The following TBC1D9B variants were observed in gnomAD, a reference collection of about 807,000 sequenced individuals.
TBC1D9B encodes TBC1 domain family member 9B.
In TBC1D9B, 87 loss-of-function variants were observed where a neutral mutation model predicts 121.1. That is an observed-to-expected ratio of 0.72 (90% CI 0.60 to 0.86). The LOEUF (loss-of-function observed/expected upper bound fraction) is 0.86. TBC1D9B is among the 40% of genes least tolerant of loss of function. TBC1D9B has a pLI of 0.00. For missense variants in TBC1D9B, 1,540 were observed against 1,628.6 expected (o/e 0.95, Z 0.94); for synonymous variants, 668 against 670.1 (o/e 1.00, Z 0.05).
At chr5:179,900,844 A>T (rs1761146773) in intron 2 of TBC1D9B, among the ~76,000 whole-genome samples, 1 of 152,180 alleles carries the variant, frequency 6.6e-6, no homozygotes, top group African/African-American at 2.4e-5. Context: ...TCGGGAGGCC[A>T]GTGTGACTGT....
At chr5:179,884,210 G>A (rs1229429378) in intron 7 of TBC1D9B, among the ~76,000 whole-genome samples, 1 of 152,228 alleles carries the variant, frequency 6.6e-6, no homozygotes, top group Admixed American at 6.5e-5. Context: ...ACTGGAGCCT[G>A]AGAAATCGGC....
Position 179,870,266 on chromosome 5 carries a change from A to G in TBC1D9B, c.2714T>C (p.Val905Ala), listed in dbSNP as rs998031088. The change falls in exon 16 of 21, where the codon GTG (valine) becomes GCG (alanine). Residue 905 changes from valine to alanine, a missense_variant. By Grantham distance (64) the Val-to-Ala change is moderately conservative (BLOSUM62 0). Coordinates refer to ENST00000355235, the MANE Select transcript of TBC1D9B (RefSeq NM_015043.4). ...CTGCAGGCACTCACTCATCCCTGTC[A>G]CGAACTCCTTGAAGTTGATCAGCGA... ...KDSLINFKEF[V>A]TGMSGMYHGD... 1.9e-6 allele frequency: 3 copies of G among 1,613,906 alleles called. No individual in the cohort carries two copies. The highest frequency in any genetic ancestry group is 2.5e-6 in the Non-Finnish European group (3 of 1,180,018).
At chr5:179,867,700 C>A (rs1760059471) in intron 18 of TBC1D9B, 78 bp downstream of exon 18, 1 of 1,593,696 alleles carries the variant, frequency 6.3e-7, no homozygotes. Flanking sequence ...CTGCTGGCCA[C>A]TGCCCGAGCC....
chr5:179,877,338 A>AAAT (rs200312644), intron 10 of TBC1D9B, among the ~76,000 whole-genome samples: 2 of 151,590 alleles, frequency 1.3e-5, no homozygotes, highest in Non-Finnish European at 2.9e-5. Flanking sequence ...CTGTCTCTAA[A>AAAT]AATAATAATA....
In TBC1D9B at chr5:179,869,797, C is replaced by T. The variant is rs762452740; in HGVS notation, c.2763G>A (p.Lys921=). The change falls in exon 17 of 21, where the codon AAG becomes AAA. Residue 921 remains lysine, a synonymous_variant. Transcript: ENST00000355235. ...GGGGAAGGTGTAGCTTGTAGAGCAC[C>T]TTGAGCTTCTCTGTCAGGTCCCCGT... ...MYHGDLTEKL[K]VLYKLHLPPA... The T allele has an allele frequency of 9.5e-6, 15 of 1,582,642 alleles. No homozygotes were observed. In the East Asian group the frequency reaches 3.4e-4, roughly 36 times the overall value.
intron 16 of TBC1D9B, 102 bp from the exon 17 acceptor site, chr5:179,869,936 C>A: frequency 8.4e-7 from 1 of 1,197,492 alleles, no homozygotes; most frequent in Non-Finnish European, 1.1e-6. Flanking sequence ...CTGCCCAACT[C>A]CCTCCTGGAG....
chr5:179,898,524 C>T (rs1339682980), intron 3 of TBC1D9B, among the ~76,000 whole-genome samples: 1 of 151,764 alleles, frequency 6.6e-6, no homozygotes, highest in Non-Finnish European at 1.5e-5. Context: ...TCTCAGCTCA[C>T]TGCAACCTCG....
rs1264433752 is a variant in TBC1D9B at position 179,874,202 on chromosome 5, G to C, written c.2186+700C>G. On this transcript the variant is annotated intron_variant, in intron 12 of 20. Coordinates refer to ENST00000355235, the MANE Select transcript of TBC1D9B (RefSeq NM_015043.4). This position sits in a 1 kb window ranked among gnomAD's most constrained non-coding sequence, Gnocchi z 4.3. ...GCTTGAAGGCCAGGCTGGAGGCTCA[G>C]ACAGTGCCTTTGTACAGAGGACCCA... 6.6e-6 allele frequency among the ~76,000 whole-genome samples: 1 copy of C among 152,194 alleles called. No individual in the cohort carries two copies. Among genetic ancestry groups the C allele is most frequent in the African/African-American group, 2.4e-5 (1 of 41,446 alleles).
At chr5:179,869,341 T>G (rs1012424862) in intron 17 of TBC1D9B, 1 of 361,276 alleles carries the variant, frequency 2.8e-6, no homozygotes, top group Admixed American at 3.6e-5. Context: ...ACAGCACCAC[T>G]GAGAGGCCAG....
At chr5:179,899,142 T>C (rs1761099069) in intron 3 of TBC1D9B, 47 bp downstream of exon 3, 1 of 1,499,702 alleles carries the variant, frequency 6.7e-7, no homozygotes, top group South Asian at 1.1e-5. Flanking sequence ...ACGAGAACAC[T>C]GCTGGCCAGG....
intron 16 of TBC1D9B, 59 bp from the exon 17 acceptor site, chr5:179,869,893 G>A (rs779680912): frequency 5.4e-6 from 8 of 1,480,544 alleles, no homozygotes; most frequent in Non-Finnish European, 7.2e-6. Flanking sequence ...CCCCTTCCAG[G>A]GGGTCCGAGT....
intron 10 of TBC1D9B, 25 bp downstream of exon 10, chr5:179,878,284 T>C (rs1257221134): frequency 6.3e-7 from 1 of 1,596,578 alleles, no homozygotes; most frequent in Admixed American, 1.7e-5. Flanking sequence ...AGATGCTGTC[T>C]CTGGGCCCCT....
In TBC1D9B at chr5:179,902,959, C is replaced by T. The variant is rs1024088595; in HGVS notation, c.229+1743G>A. Among the ~76,000 whole-genome samples the T allele has an allele frequency of 2.0e-5, 3 of 152,190 alleles. No homozygotes were observed. The highest frequency in any genetic ancestry group is 7.2e-5 in the African/African-American group (3 of 41,456). On this transcript the variant is annotated intron_variant, in intron 2 of 20. Transcript: ENST00000355235. This position sits in a 1 kb window ranked among gnomAD's most constrained non-coding sequence, Gnocchi z 4.9. The stretch of plus-strand genomic sequence containing the variant: ...AGAAGGGCACTGCTGGTCAGGATGC[C>T]CGTGCAGAGCGCCCACCTGGGAGTG...
chr5:179,878,325 G>C lies in TBC1D9B; in HGVS notation c.1766C>G (p.Thr589Ser), dbSNP rs779929793. 1 of 1,613,204 alleles carries C rather than the reference G, an allele frequency of 6.2e-7. No homozygotes were observed. ...VLTAYAFRNP[T>S]IGYCQAMNIV... is the part of the protein sequence containing the mutation. ...GCCCCTTACCTGGCAGTAGCCGATGGTGGGGTTTCGGAAGGCATAGGCAGT... is the reference window on the plus strand; with the variant it reads ...GCCCCTTACCTGGCAGTAGCCGATGCTGGGGTTTCGGAAGGCATAGGCAGT... The change falls in exon 10 of 21, where the codon ACC becomes AGC. Residue 589 changes from threonine to serine, a missense_variant. Physicochemically the swap from Thr to Ser is moderately conservative, Grantham distance 58 (BLOSUM62 1). Transcript: ENST00000355235.
In TBC1D9B at chr5:179,907,780, C is replaced by G; in HGVS notation, c.42G>C (p.Leu14=). The change falls in exon 1 of 21, where the codon CTG becomes CTC. Residue 14 remains leucine, a synonymous_variant. Transcript: ENST00000355235. The surrounding 1 kb of genome is among the most constrained non-coding windows in gnomAD (Gnocchi z 5.3). ...AGGGGTTGGCCCGCTCCGTCACCCA[C>G]AGCGCATTGGCCACCAGCACCTCCT... The part of the protein sequence containing the change: ...SPEEVLVANA[L]WVTERANPFF... 6 of 1,230,960 alleles carry G rather than the reference C, an allele frequency of 4.9e-6. No homozygotes were observed. The highest frequency in any genetic ancestry group is 4.2e-6 in the Non-Finnish European group (4 of 958,434). The allele number at this position is 1,230,960 out of a possible 1,614,324, so 76.3% of individuals were successfully genotyped here.
In TBC1D9B at chr5:179,864,016, CCGATG is replaced by C; in HGVS notation, c.3129_3133del (p.Ile1044ArgfsTer20). ...GGCTGAGAACTTCTTCCCCACCTCT[CCGATG>C]CGGAGCAGGAGGCTGGCCACGGTGG... On this transcript the variant is annotated frameshift_variant, in exon 21 of 21. Transcript: ENST00000355235. LOFTEE classifies it low-confidence loss of function (END_TRUNC). The C allele has an allele frequency of 6.2e-7, 1 of 1,613,762 alleles. No homozygotes were observed. Among genetic ancestry groups the C allele is most frequent in the South Asian group, 1.1e-5 (1 of 91,072 alleles).
chr5:179,863,404 G>T lies in TBC1D9B; in HGVS notation c.*44C>A. ...GGAAAGGCAGGAGGAGATGAGGCCA[G>T]CCCCACTGATGACACCTTGGGCCAG... On this transcript the variant is annotated 3_prime_UTR_variant, in exon 21 of 21. Coordinates refer to ENST00000355235, the MANE Select transcript of TBC1D9B (RefSeq NM_015043.4). The surrounding 1 kb of genome is among the most constrained non-coding windows in gnomAD (Gnocchi z 4.5). 6.3e-7 allele frequency: 1 copy of T among 1,586,182 alleles called. No individual in the cohort carries two copies. The highest frequency in any genetic ancestry group is 8.6e-7 in the Non-Finnish European group (1 of 1,165,102).
chr5:179,881,709 T>C (rs1029455946), intron 7 of TBC1D9B, among the ~76,000 whole-genome samples: 2 of 152,200 alleles, frequency 1.3e-5, no homozygotes, highest in African/African-American at 4.8e-5. Context: ...TTTTTTTCCC[T>C]GTTAGAAAGT....
chr5:179,867,692 G>A (rs2113602294), intron 18 of TBC1D9B, 86 bp downstream of exon 18: 1 of 1,577,218 alleles, frequency 6.3e-7, no homozygotes, highest in Non-Finnish European at 8.7e-7. Context: ...AGGTGGGACT[G>A]CTGGCCACTG....
Sources: gnomAD v4.1 joint callset for allele counts (sites outside exome capture counted in the v4.1 genomes callset) on GRCh38, gnomAD v4.1.1 for gene constraint, Gnocchi (gnomAD v3.1) non-coding constraint, MANE v1.5 for transcripts, NCBI Gene and HGNC (gene_info 2026-07-23, HGNC 2026-07-21) for gene names.